SWT1: variants seen among roughly 807,000 people sequenced by gnomAD.
SWT1 encodes the protein transcriptional protein SWT1.
In SWT1, 33 loss-of-function variants were observed where a neutral mutation model predicts 107.3. That is an observed-to-expected ratio of 0.31 (90% CI 0.23 to 0.41). SWT1 has a LOEUF of 0.41. Ranked by LOEUF, SWT1 falls within the 10% of genes least tolerant of loss-of-function variation. The probability of loss-of-function intolerance (pLI) is 1.00; values close to 1 mark genes in which losing one functional copy is unlikely to be tolerated. For missense variants in SWT1, 898 were observed against 1,028.9 expected, an observed-to-expected ratio of 0.87 and a Z score of 1.74; for synonymous variants, 345 against 348.3, an observed-to-expected ratio of 0.99 and a Z score of 0.11.
chr1:185,281,234 T>C (rs769444458), intron 18 of SWT1: 38 of 220,622 alleles, frequency 1.7e-4, no homozygotes, highest in Non-Finnish European at 2.8e-4. Flanking sequence ...TTGGTCATTA[T>C]TGATGTGAAA....
intron 16 of SWT1, among the ~76,000 whole-genome samples, chr1:185,267,933 T>C (rs534002485): frequency 4.6e-5 from 7 of 152,200 alleles, no homozygotes; most frequent in Non-Finnish European, 8.8e-5. Context: ...TAAGGCATTT[T>C]CTCTATTTTA....
At chr1:185,189,194 G>A (rs936504305) in intron 9 of SWT1, among the ~76,000 whole-genome samples, 2 of 151,820 alleles carry the variant, frequency 1.3e-5, no homozygotes, top group African/African-American at 4.8e-5. Flanking sequence ...TCGCCATGTT[G>A]CCCAGGCTGA....
chr1:185,177,294 T>C (rs1655651623), intron 5 of SWT1, among the ~76,000 whole-genome samples: 2 of 152,228 alleles, frequency 1.3e-5, no homozygotes, highest in African/African-American at 4.8e-5. Context: ...GTTTTCCCAT[T>C]GTGCTATACA....
chr1:185,250,552 G>A (rs759101021), intron 16 of SWT1, among the ~76,000 whole-genome samples: 9 of 152,046 alleles, frequency 5.9e-5, no homozygotes, highest in South Asian at 2.1e-4. Flanking sequence ...TTCCCTCTGT[G>A]AGCTCATCCC....
intron 14 of SWT1, among the ~76,000 whole-genome samples, chr1:185,220,095 C>T (rs1349581456): frequency 1.5e-5 from 2 of 132,876 alleles, no homozygotes; most frequent in Non-Finnish European, 3.1e-5. Context: ...GCCGAGATCA[C>T]ACCACTGCAC....
At chr1:185,199,841 T>C (rs1385742947) in intron 10 of SWT1, among the ~76,000 whole-genome samples, 1 of 152,202 alleles carries the variant, frequency 6.6e-6, no homozygotes, top group African/African-American at 2.4e-5. Flanking sequence ...AAGAGTGTTT[T>C]CCAACTTGGT....
At chr1:185,166,520 C>A in intron 2 of SWT1, 52 bp from the exon 3 acceptor site, 1 of 1,191,494 alleles carries the variant, frequency 8.4e-7, no homozygotes, top group Non-Finnish European at 1.2e-6. Context: ...TCTGTTTATA[C>A]TATGCTTTAT....
chr1:185,273,359 T>G (rs891794680), intron 17 of SWT1, among the ~76,000 whole-genome samples: 2 of 142,668 alleles, frequency 1.4e-5, no homozygotes, highest in Non-Finnish European at 3.1e-5. Context: ...GAGCCGAGAT[T>G]GCACCACTGC....
intron 16 of SWT1, 81 bp from the exon 17 acceptor site, chr1:185,271,242 T>C: frequency 1.6e-5 from 12 of 736,710 alleles, no homozygotes; most frequent in South Asian, 1.5e-4. Flanking sequence ...GTGGTATGGG[T>C]ATGTTTTGGG....
chr1:185,218,518 C>T (rs1659396300), intron 14 of SWT1, among the ~76,000 whole-genome samples: 1 of 152,010 alleles, frequency 6.6e-6, no homozygotes, highest in Non-Finnish European at 1.5e-5. Context: ...ACTTTGTTGC[C>T]CAGGTTGGTC....
At chr1:185,241,914 G>A (rs1055074690) in intron 16 of SWT1, among the ~76,000 whole-genome samples, 1 of 152,108 alleles carries the variant, frequency 6.6e-6, no homozygotes, top group African/African-American at 2.4e-5. Flanking sequence ...AGATTAAAAA[G>A]GCATTTATGT....
chr1:185,258,238 A>C (rs1558083168), intron 16 of SWT1, among the ~76,000 whole-genome samples: 1 of 152,206 alleles, frequency 6.6e-6, no homozygotes, highest in Non-Finnish European at 1.5e-5. Flanking sequence ...TCCTGAATAT[A>C]GCAAGGATCT....
intron 16 of SWT1, among the ~76,000 whole-genome samples, chr1:185,249,734 T>C (rs529733758): frequency 2.1e-4 from 32 of 152,246 alleles, no homozygotes; most frequent in Middle Eastern, 6.8e-3. Context: ...AATCCAGCCA[T>C]GCACATGTTG....
At chr1:185,273,896 C>G (rs1324602715) in intron 17 of SWT1, among the ~76,000 whole-genome samples, 2 of 151,954 alleles carry the variant, frequency 1.3e-5, no homozygotes, top group African/African-American at 4.8e-5. Context: ...CCCAGTGACT[C>G]AGGAGGCTGG....
chr1:185,198,257 T>A (rs1657570824), intron 10 of SWT1, among the ~76,000 whole-genome samples: 1 of 152,192 alleles, frequency 6.6e-6, no homozygotes, highest in Non-Finnish European at 1.5e-5. Context: ...TTTGAGTGAG[T>A]TTCTTAATCC....
At chr1:185,229,793 T>C (rs912980126) in intron 15 of SWT1, among the ~76,000 whole-genome samples, 4 of 152,174 alleles carry the variant, frequency 2.6e-5, no homozygotes, top group Non-Finnish European at 5.9e-5. Context: ...AAAATTTTTT[T>C]TAAATGTAAA....
chr1:185,177,591 C>G (rs1655674464), intron 5 of SWT1, among the ~76,000 whole-genome samples: 1 of 152,150 alleles, frequency 6.6e-6, no homozygotes, highest in African/African-American at 2.4e-5. Flanking sequence ...AGCAGATAAT[C>G]ATCTTAATAC....
intron 14 of SWT1, among the ~76,000 whole-genome samples, chr1:185,217,129 A>G (rs1441708559): frequency 6.6e-6 from 1 of 152,212 alleles, no homozygotes; most frequent in Non-Finnish European, 1.5e-5. Context: ...TGATTACTTG[A>G]AACCATCCAC....
chr1:185,173,904 A>G (rs1212425222), intron 4 of SWT1, among the ~76,000 whole-genome samples: 4 of 152,096 alleles, frequency 2.6e-5, no homozygotes, highest in Non-Finnish European at 4.4e-5. Flanking sequence ...CTGTAGTCCC[A>G]GTTACGTGGT....
Sources: gnomAD v4.1 joint callset for allele counts (sites outside exome capture counted in the v4.1 genomes callset) on GRCh38, gnomAD v4.1.1 for gene constraint, MANE v1.5 for transcripts, NCBI Gene and HGNC (gene_info 2026-07-23, HGNC 2026-07-21) for gene names.